Variants in RASSF5 observed in about 807,000 individuals in gnomAD.
The protein encoded by RASSF5 is Ras association domain family member 5.
Under a neutral mutation model 40.5 loss-of-function variants are expected in RASSF5, and 25 were observed. The ratio of observed to expected loss-of-function variants is 0.62; its 90% CI spans 0.45 to 0.86. RASSF5 has a LOEUF of 0.86. RASSF5 is among the 40% of genes least tolerant of loss of function. The pLI is 0.00. For missense variants in RASSF5, 521 were observed against 572.8 expected (o/e 0.91, Z 0.92); for synonymous variants, 246 against 252.4 (o/e 0.97, Z 0.24).
chr1:206,519,609 C>T (rs1553395827), intron 1 of RASSF5, among the ~76,000 whole-genome samples: 2 of 152,110 alleles, frequency 1.3e-5, no homozygotes, highest in African/African-American at 2.4e-5. Context: ...TCTTGGGGCC[C>T]CCTGTCCCCA....
intron 2 of RASSF5, among the ~76,000 whole-genome samples, chr1:206,566,282 C>T (rs1553403366): frequency 1.3e-5 from 2 of 152,176 alleles, no homozygotes; most frequent in African/African-American, 4.8e-5. Flanking sequence ...AAGCTCCAGT[C>T]ACCCCTCTCA....
chr1:206,518,988 G>T (rs1666834992), intron 1 of RASSF5, among the ~76,000 whole-genome samples: 1 of 151,856 alleles, frequency 6.6e-6, no homozygotes, highest in South Asian at 2.1e-4. Context: ...CCAGGCAAAG[G>T]CTTCTCACCT....
chr1:206,582,610 G>A (rs1016285097), intron 2 of RASSF5, among the ~76,000 whole-genome samples: 6 of 152,152 alleles, frequency 3.9e-5, no homozygotes, highest in African/African-American at 1.4e-4. Flanking sequence ...CCTCTTTTAT[G>A]GTAGAGGGGG....
chr1:206,578,232 A>AG (rs1553405555), intron 2 of RASSF5, among the ~76,000 whole-genome samples: 16,955 of 130,070 alleles, frequency 0.13, 1,086 homozygotes, highest in South Asian at 0.25. Flanking sequence ...CAAAAAAAAA[A>AG]AGTGTGTGTG....
chr1:206,508,569 T>C (rs190644259), intron 1 of RASSF5, among the ~76,000 whole-genome samples: 85 of 152,188 alleles, frequency 5.6e-4, no homozygotes, highest in African/African-American at 2.0e-3. Context: ...GGGGGACGTA[T>C]TGGGACAGGG....
At chr1:206,544,500 A>G (rs985768935) in intron 2 of RASSF5, 4 of 152,140 alleles carry the variant, frequency 2.6e-5, no homozygotes, top group Non-Finnish European at 5.9e-5. Flanking sequence ...TGGATATAAA[A>G]CCAGGACTCT....
At chr1:206,564,372 CCTT>C (rs1403008358) in intron 2 of RASSF5, among the ~76,000 whole-genome samples, 1 of 152,208 alleles carries the variant, frequency 6.6e-6, no homozygotes, top group Non-Finnish European at 1.5e-5. Flanking sequence ...CTCCTGCCCT[CCTT>C]CTGTCTTCAC....
chr1:206,570,485 T>C (rs1427384373), intron 2 of RASSF5, among the ~76,000 whole-genome samples: 1 of 152,122 alleles, frequency 6.6e-6, no homozygotes, highest in African/African-American at 2.4e-5. Context: ...TTCCAGAACT[T>C]TTGTTTTCCC....
intron 2 of RASSF5, chr1:206,544,379 C>T (rs894813237): frequency 1.5e-4 from 23 of 152,214 alleles, no homozygotes; most frequent in African/African-American, 5.6e-4. Flanking sequence ...TGAAAGCCCT[C>T]AGTGGCTTCC....
intron 2 of RASSF5, among the ~76,000 whole-genome samples, chr1:206,550,847 C>A (rs1257423359): frequency 6.6e-6 from 1 of 152,138 alleles, no homozygotes; most frequent in Non-Finnish European, 1.5e-5. Flanking sequence ...TGGTAACGCT[C>A]CAAAATGGGG....
chr1:206,510,314 TTGAATCCTGACTA>T (rs1666583456), intron 1 of RASSF5, among the ~76,000 whole-genome samples: 2 of 152,200 alleles, frequency 1.3e-5, no homozygotes, highest in Admixed American at 6.5e-5. Context: ...AGCCCTGGGT[TTGAATCCTGACTA>T]CCACTTAGTC....
chr1:206,582,608 A>T (rs1553406613), intron 2 of RASSF5, among the ~76,000 whole-genome samples: 1 of 152,174 alleles, frequency 6.6e-6, no homozygotes, highest in Non-Finnish European at 1.5e-5. Context: ...CTCCTCTTTT[A>T]TGGTAGAGGG....
intron 2 of RASSF5, among the ~76,000 whole-genome samples, chr1:206,555,250 G>C (rs567756560): frequency 2.6e-5 from 4 of 152,248 alleles, no homozygotes; most frequent in Non-Finnish European, 5.9e-5. Flanking sequence ...GCTGACTCCT[G>C]GGGTACCTTG....
intron 1 of RASSF5, among the ~76,000 whole-genome samples, chr1:206,537,451 A>T (rs1196892948): frequency 1.3e-5 from 2 of 152,124 alleles, no homozygotes; most frequent in Admixed American, 1.3e-4. Flanking sequence ...AAGCACTTTT[A>T]ATTCTTCAAG....
chr1:206,534,625 C>T (rs1667333160), intron 1 of RASSF5, among the ~76,000 whole-genome samples: 1 of 152,172 alleles, frequency 6.6e-6, no homozygotes, highest in Non-Finnish European at 1.5e-5. Context: ...TTCTGGCTGG[C>T]AACTGTCTCT....
intron 2 of RASSF5, chr1:206,543,952 C>A (rs1042195099): frequency 6.6e-6 from 1 of 152,136 alleles, no homozygotes; most frequent in Non-Finnish European, 1.5e-5. Context: ...CAGGGTTTCA[C>A]CATGTTGGCC....
At chr1:206,540,032 G>A (rs749828100) in intron 2 of RASSF5, among the ~76,000 whole-genome samples, 6 of 152,096 alleles carry the variant, frequency 3.9e-5, no homozygotes, top group Non-Finnish European at 5.9e-5. Flanking sequence ...CTCAAAAGGC[G>A]GCAATTTTAC....
Position 206,507,678 on chromosome 1 carries a change from C to T in RASSF5, c.76C>T (p.Gln26Ter). ...LLDPEPPRYL[Q>*]SLSGPELPPP... ...GGACCCCGAGCCGCCGCGCTATCTA[C>T]AGAGCCTGAGCGGCCCCGAGCTACC... Residue 26 changes from glutamine to a stop codon, truncating the protein, a stop_gained, in exon 1 of 6, where the codon CAG (glutamine) becomes TAG (stop). Coordinates refer to ENST00000579436, the MANE Select transcript of RASSF5 (RefSeq NM_182663.4). LOFTEE classifies it high-confidence loss of function. The T allele has an allele frequency of 6.6e-7, 1 of 1,518,860 alleles. No individual in the cohort carries two copies. Among genetic ancestry groups the T allele is most frequent in the Non-Finnish European group, 8.8e-7 (1 of 1,139,832 alleles). The allele number at this position is 1,518,860 out of a possible 1,614,324, so 94.1% of individuals were successfully genotyped here.
In RASSF5 at chr1:206,560,958, C is replaced by T. The variant is rs1668121370; in HGVS notation, c.580-22311C>T. Among the ~76,000 whole-genome samples the T allele has an allele frequency of 6.6e-6, 1 of 152,206 alleles. No individual in the cohort carries two copies. The highest frequency in any genetic ancestry group is 6.5e-5 in the Admixed American group (1 of 15,290). On this transcript the variant is annotated intron_variant, in intron 2 of 5. Coordinates refer to ENST00000579436, the MANE Select transcript of RASSF5 (RefSeq NM_182663.4). This position sits in a 1 kb window ranked among gnomAD's most constrained non-coding sequence, Gnocchi z 5.1. ...TTTTTTTCCTATCAGGGATCTGACC[C>T]TGGAAGTGGGGCCAGCTTCCATTCT...
Sources: gnomAD v4.1 joint callset for allele counts (sites outside exome capture counted in the v4.1 genomes callset) on GRCh38, gnomAD v4.1.1 for gene constraint, Gnocchi (gnomAD v3.1) non-coding constraint, MANE v1.5 for transcripts, NCBI Gene and HGNC (gene_info 2026-07-23, HGNC 2026-07-21) for gene names.